Variants in HIVEP1 observed in about 807,000 individuals in gnomAD.
HIVEP1 encodes HIVEP zinc finger 1, also known as zinc finger protein 40.
A neutral mutation model predicts 180.0 loss-of-function variants in HIVEP1; 36 were observed. The ratio of observed to expected loss-of-function variants is 0.20; its 90% CI spans 0.15 to 0.26. The LOEUF (loss-of-function observed/expected upper bound fraction) is 0.26. Among genes scored for constraint, HIVEP1 ranks in the 10% least tolerant of loss-of-function variants. HIVEP1 has a pLI of 1.00. For missense variants in HIVEP1, 3,143 were observed against 3,268.7 expected (o/e 0.96, Z 0.94); for synonymous variants, 1,239 against 1,239.0 (o/e 1.00, Z 0.00).
At chr6:12,091,310 G>C (rs760360850) in intron 3 of HIVEP1, among the ~76,000 whole-genome samples, 2 of 151,740 alleles carry the variant, frequency 1.3e-5, no homozygotes, top group Non-Finnish European at 2.9e-5. Flanking sequence ...ACGTACTTTG[G>C]GTTTTTTCAC....
At chr6:12,165,458 G>A (rs751425269), downstream of HIVEP1, among the ~76,000 whole-genome samples, 6 of 152,078 alleles carry the variant, frequency 3.9e-5, no homozygotes, top group Non-Finnish European at 8.8e-5. Context: ...ACAGAGCTCT[G>A]TCCAGCACTG....
intron 2 of HIVEP1, among the ~76,000 whole-genome samples, chr6:12,023,261 C>T (rs972708226): frequency 2.6e-5 from 4 of 152,094 alleles, no homozygotes; most frequent in Non-Finnish European, 4.4e-5. Context: ...AAGTCTACTA[C>T]CAGGAATAAA....
intron 2 of HIVEP1, among the ~76,000 whole-genome samples, chr6:12,071,003 ACT>A (rs1450045552): frequency 6.6e-6 from 1 of 152,144 alleles, no homozygotes; most frequent in African/African-American, 2.4e-5. Context: ...AGAACTCGAG[ACT>A]CTGAATTACA....
chr6:12,146,788 T>G (rs193065192), intron 7 of HIVEP1, among the ~76,000 whole-genome samples: 317 of 152,160 alleles, frequency 2.1e-3, no homozygotes, highest in African/African-American at 7.2e-3. Context: ...TTTTTTTTTA[T>G]GTATCACTTC....
intron 3 of HIVEP1, among the ~76,000 whole-genome samples, chr6:12,108,451 C>A (rs184801433): frequency 4.6e-5 from 7 of 152,188 alleles, no homozygotes; most frequent in African/African-American, 1.7e-4. Context: ...CGGCGCTCAT[C>A]GGGGAGGCTT....
the HIVEP1 span, among the ~76,000 whole-genome samples, chr6:12,201,611 T>G: frequency 5.3e-5 from 8 of 152,240 alleles, no homozygotes; most frequent in Admixed American, 5.2e-4. Flanking sequence ...CTTTCACCAA[T>G]GACTTGAGAA....
chr6:12,011,418 C>T (rs1173584488), upstream of HIVEP1, among the ~76,000 whole-genome samples: 5 of 151,592 alleles, frequency 3.3e-5, no homozygotes, highest in African/African-American at 9.7e-5. Flanking sequence ...CGTCCCGTCC[C>T]TCTTCCCGGA....
the HIVEP1 span, among the ~76,000 whole-genome samples, chr6:12,205,368 G>A: frequency 2.0e-5 from 3 of 152,134 alleles, no homozygotes; most frequent in Non-Finnish European, 4.4e-5. Flanking sequence ...CTACTTGGGA[G>A]GCTGAAGCAG....
intron 3 of HIVEP1, among the ~76,000 whole-genome samples, chr6:12,108,737 CCG>C (rs1170501326): frequency 2.6e-5 from 4 of 152,206 alleles, no homozygotes; most frequent in Admixed American, 2.0e-4. Flanking sequence ...CCTGCAAGCG[CCG>C]CGCGCACCCC....
At chr6:12,150,501 A>C (rs966370297) in intron 7 of HIVEP1, among the ~76,000 whole-genome samples, 2 of 152,226 alleles carry the variant, frequency 1.3e-5, no homozygotes, top group Non-Finnish European at 2.9e-5. Flanking sequence ...TTACTCTTAA[A>C]AATAATTTAG....
chr6:12,149,596 G>A (rs753461636), intron 7 of HIVEP1, among the ~76,000 whole-genome samples: 1 of 152,164 alleles, frequency 6.6e-6, no homozygotes, highest in Non-Finnish European at 1.5e-5. Context: ...TCTGGAAAAA[G>A]CCCAGGTCTT....
chr6:12,196,237 T>A, the HIVEP1 span, among the ~76,000 whole-genome samples: 2 of 152,238 alleles, frequency 1.3e-5, no homozygotes, highest in Non-Finnish European at 2.9e-5. Flanking sequence ...CTTAGACGGT[T>A]GTATACATCC....
At chr6:12,071,307 G>A (rs1021828100) in intron 2 of HIVEP1, among the ~76,000 whole-genome samples, 4 of 152,152 alleles carry the variant, frequency 2.6e-5, no homozygotes, top group African/African-American at 4.8e-5. Context: ...TGGGGGGCTG[G>A]CATTGCCATA....
At chr6:12,118,049 AT>A (rs1554145768) in intron 3 of HIVEP1, among the ~76,000 whole-genome samples, 2 of 152,194 alleles carry the variant, frequency 1.3e-5, no homozygotes, top group Non-Finnish European at 2.9e-5. Context: ...GAATAAAAAA[AT>A]GTTTGTTCAA....
rs1768820963 is a variant in HIVEP1, at chr6:12,029,801, C to G, written c.40+14133C>G. 9.2e-5 allele frequency among the ~76,000 whole-genome samples: 14 copies of G among 152,202 alleles called. No homozygotes were observed. In the South Asian group the frequency reaches 2.9e-3, roughly 32 times the overall value. On this transcript the variant is annotated intron_variant, in intron 2 of 8. Transcript: ENST00000379388. ...TACACAGTGTTAAATCACTCCTTTA[C>G]ACAATCTTTTTTAAAAATAATTTAA...
At position 12,124,824 on chromosome 6, in the gene HIVEP1, G is replaced by GTGCCAA. The variant is rs1452077986; in HGVS notation, c.5031_5036dup (p.Pro1678_Ile1679insMetPro). On this transcript the variant is annotated inframe_insertion, in exon 4 of 9. Transcript: ENST00000379388. ...AATTTGCCAGACTAATCATAGTGTA[G>GTGCCAA]TGCCAATCAGTGAAGAACAAAATTC... is the stretch of plus-strand genomic sequence containing the variant. 6.2e-7 allele frequency: 1 copy of GTGCCAA among 1,614,182 alleles called. No individual in the cohort carries two copies. Among genetic ancestry groups the GTGCCAA allele is most frequent in the Non-Finnish European group, 8.5e-7 (1 of 1,180,010 alleles).
At chr6:12,048,815 G>C (rs946326249) in intron 2 of HIVEP1, among the ~76,000 whole-genome samples, 2 of 152,082 alleles carry the variant, frequency 1.3e-5, no homozygotes, top group Admixed American at 1.3e-4. Context: ...TGGTGAAGCT[G>C]TTCTTTCTGC....
chr6:12,071,247 G>A (rs1178347777), intron 2 of HIVEP1, among the ~76,000 whole-genome samples: 2 of 152,142 alleles, frequency 1.3e-5, no homozygotes, highest in Non-Finnish European at 2.9e-5. Context: ...TGTGTAAATT[G>A]TGCAAGCCAC....
intron 2 of HIVEP1, among the ~76,000 whole-genome samples, chr6:12,065,686 T>C (rs1451002093): frequency 4.4e-5 from 3 of 67,872 alleles, no homozygotes; most frequent in Non-Finnish European, 1.0e-4. Flanking sequence ...TGTGTGTGTG[T>C]GTGTGCGTGT....
Sources: allele counts gnomAD v4.1 joint callset (sites outside exome capture counted in the v4.1 genomes callset), GRCh38; gene constraint gnomAD v4.1.1; transcripts MANE v1.5; gene names NCBI Gene and HGNC (gene_info 2026-07-23, HGNC 2026-07-21).